The following SFXN1 variants were observed in gnomAD, a reference collection of about 807,000 sequenced individuals.
SFXN1 encodes the protein sideroflexin 1.
Under a neutral mutation model 39.5 loss-of-function variants are expected in SFXN1, and 32 were observed. That is an observed-to-expected ratio of 0.81 (90% CI 0.61 to 1.09). The LOEUF (loss-of-function observed/expected upper bound fraction) is 1.09. Among genes scored for constraint, SFXN1 ranks in the 50% least tolerant of loss-of-function variants. The probability of loss-of-function intolerance (pLI) is 0.00; values close to 1 mark genes in which losing one functional copy is unlikely to be tolerated. For missense variants in SFXN1, 402 were observed against 407.1 expected (o/e 0.99, Z 0.11); for synonymous variants, 136 against 146.5 (o/e 0.93, Z 0.52).
At chr5:175,487,314 G>A (rs990365981) in intron 1 of SFXN1, among the ~76,000 whole-genome samples, 1 of 152,210 alleles carries the variant, frequency 6.6e-6, no homozygotes, top group African/African-American at 2.4e-5. Flanking sequence ...CCATCAGTCT[G>A]CACTAGCAGC....
chr5:175,483,265 T>C (rs1759323748), intron 1 of SFXN1, among the ~76,000 whole-genome samples: 1 of 152,194 alleles, frequency 6.6e-6, no homozygotes, highest in Admixed American at 6.5e-5. Context: ...GCCGACATCA[T>C]TGTGAGAATG....
At chr5:175,479,114 C>T (rs1286825836) in intron 1 of SFXN1, among the ~76,000 whole-genome samples, 2 of 152,214 alleles carry the variant, frequency 1.3e-5, no homozygotes, top group Non-Finnish European at 2.9e-5. Flanking sequence ...GGTTCCTGCC[C>T]TAGAACTCGC....
Position 175,513,662 on chromosome 5 carries a change from A to G in SFXN1, c.724+72A>G, listed in dbSNP as rs1054590679. The G allele has an allele frequency of 4.0e-6, 6 of 1,516,366 alleles. No individual in the cohort carries two copies. In the Admixed American group the frequency reaches 5.2e-5, roughly 13 times the overall value. The allele number at this position is 1,516,366 out of a possible 1,614,324, so 93.9% of individuals were successfully genotyped here. On this transcript the variant is annotated intron_variant, in intron 7 of 10. Coordinates refer to ENST00000321442, the MANE Select transcript of SFXN1 (RefSeq NM_022754.7). ...CGTTCACGGATCCGTGAACCAGAAAACAAACACATATATCACACCTCTTAG... is the reference window on the plus strand; with the variant it reads ...CGTTCACGGATCCGTGAACCAGAAAGCAAACACATATATCACACCTCTTAG...
intron 2 of SFXN1, among the ~76,000 whole-genome samples, chr5:175,501,561 T>C (rs1269094845): frequency 6.6e-6 from 1 of 152,164 alleles, no homozygotes; most frequent in Non-Finnish European, 1.5e-5. Flanking sequence ...TCGTAAAGGA[T>C]TTGTATCCAG....
intron 1 of SFXN1, among the ~76,000 whole-genome samples, chr5:175,490,837 T>C (rs1025026828): frequency 6.6e-6 from 1 of 151,600 alleles, no homozygotes; most frequent in Admixed American, 6.6e-5. Flanking sequence ...ACAAGGATGC[T>C]CATGAAATAA....
Position 175,521,899 on chromosome 5 carries a change from C to G in SFXN1, c.775-20C>G. On this transcript the variant is annotated intron_variant, in intron 8 of 10. Transcript: ENST00000321442. ...GACCCTGTATAAAAAGTATTCAAAG[C>G]CATTTATTTCTCAACACAGAGGTTC... The G allele has an allele frequency of 6.3e-7, 1 of 1,584,382 alleles. No homozygotes were observed. Among genetic ancestry groups the G allele is most frequent in the Non-Finnish European group, 8.6e-7 (1 of 1,159,638 alleles).
chr5:175,492,349 A>G, intron 2 of SFXN1, 82 bp downstream of exon 2: 1 of 1,215,334 alleles, frequency 8.2e-7, no homozygotes, highest in Non-Finnish European at 1.1e-6. Context: ...TCACTTAGTG[A>G]TTTTACAACT....
intron 8 of SFXN1, among the ~76,000 whole-genome samples, chr5:175,520,274 A>G (rs1247209678): frequency 6.6e-6 from 1 of 151,952 alleles, no homozygotes; most frequent in African/African-American, 2.4e-5. Flanking sequence ...ACTCTCTTTA[A>G]TTCATTTGGA....
chr5:175,489,283 ATGATTACGTG>A (rs2113272502), intron 1 of SFXN1, among the ~76,000 whole-genome samples: 1 of 152,352 alleles, frequency 6.6e-6, no homozygotes, highest in Admixed American at 6.5e-5. Flanking sequence ...ATGATTACGT[ATGATTACGTG>A]TGACTTCTAA....
At chr5:175,481,438 C>T (rs1394323943) in intron 1 of SFXN1, among the ~76,000 whole-genome samples, 3 of 152,218 alleles carry the variant, frequency 2.0e-5, no homozygotes, top group Non-Finnish European at 1.5e-5. Flanking sequence ...TCTCCTGCCT[C>T]AACCTCCCAA....
At chr5:175,515,809 T>C (rs1355902241) in intron 7 of SFXN1, among the ~76,000 whole-genome samples, 3 of 152,214 alleles carry the variant, frequency 2.0e-5, no homozygotes, top group Non-Finnish European at 4.4e-5. Context: ...TGTACTTTAG[T>C]TCTATTATTA....
rs1760906744 is a variant in SFXN1 at position 175,522,323 on chromosome 5, C to G, written c.825-52C>G. On this transcript the variant is annotated intron_variant, in intron 9 of 10. Coordinates refer to ENST00000321442, the MANE Select transcript of SFXN1 (RefSeq NM_022754.7). Reference sequence around the variant, plus strand: ...TATAAAAGTAAAATAGAAAAATAAGCTGAAAATTAACCATTTAAAATGGTC... The same window carrying G: ...TATAAAAGTAAAATAGAAAAATAAGGTGAAAATTAACCATTTAAAATGGTC... The G allele has an allele frequency of 2.0e-6, 3 of 1,507,354 alleles. No homozygotes were observed. In the South Asian group the frequency reaches 3.8e-5, roughly 19 times the overall value. 93.4% of individuals were successfully genotyped at this position (1,507,354 alleles called of 1,614,324 possible). A position where few individuals can be genotyped will look rare whatever the true frequency, so the allele number is the denominator to read the frequency against.
chr5:175,511,298 C>T (rs1760503481), intron 4 of SFXN1, 153 bp from the exon 5 acceptor site: 8 of 603,704 alleles, frequency 1.3e-5, no homozygotes, highest in South Asian at 1.3e-4. Context: ...CTCTAGATTC[C>T]CCTACTTGTG....
chr5:175,488,503 T>C (rs1002044501), intron 1 of SFXN1, among the ~76,000 whole-genome samples: 3 of 152,160 alleles, frequency 2.0e-5, no homozygotes, highest in Non-Finnish European at 4.4e-5. Flanking sequence ...GGTTTCTCCA[T>C]GTTGAGGCTG....
chr5:175,525,509 T>C (rs1423381968), intron 10 of SFXN1, among the ~76,000 whole-genome samples: 1 of 152,250 alleles, frequency 6.6e-6, no homozygotes, highest in East Asian at 1.9e-4. Flanking sequence ...CTTTTTTCTA[T>C]ATTCGTAATT....
At chr5:175,504,173 T>G (rs1372476184) in intron 2 of SFXN1, among the ~76,000 whole-genome samples, 1 of 152,182 alleles carries the variant, frequency 6.6e-6, no homozygotes, top group South Asian at 2.1e-4. Flanking sequence ...TTCTATTAAC[T>G]GTTCGAAGTT....
chr5:175,512,414 T>C (rs113825408), intron 6 of SFXN1, among the ~76,000 whole-genome samples: 1 of 152,226 alleles, frequency 6.6e-6, no homozygotes, highest in Non-Finnish European at 1.5e-5. Flanking sequence ...TGAAGCAGAC[T>C]GAGGAGTGCG....
chr5:175,485,893 G>A (rs542124879), intron 1 of SFXN1, among the ~76,000 whole-genome samples: 11 of 152,330 alleles, frequency 7.2e-5, no homozygotes, highest in East Asian at 5.8e-4. Flanking sequence ...TTCCGTCTGC[G>A]GAATGTGCAT....
At chr5:175,513,126 C>A (rs1760578981) in intron 6 of SFXN1, among the ~76,000 whole-genome samples, 1 of 151,896 alleles carries the variant, frequency 6.6e-6, no homozygotes, top group African/African-American at 2.4e-5. Flanking sequence ...CATGGCAAAA[C>A]CCCGTCTCTA....
Sources: gnomAD v4.1 joint callset for allele counts (sites outside exome capture counted in the v4.1 genomes callset) on GRCh38, gnomAD v4.1.1 for gene constraint, MANE v1.5 for transcripts, NCBI Gene and HGNC (gene_info 2026-07-23, HGNC 2026-07-21) for gene names.